TBC1D5: variants seen among roughly 807,000 people sequenced by gnomAD.
TBC1D5 encodes TBC1 domain family, member 5.
TBC1D5 carries 75 observed loss-of-function variants against 100.3 expected under a neutral mutation model. The observed-to-expected ratio is 0.75, with a 90% confidence interval of 0.62 to 0.91. The LOEUF (loss-of-function observed/expected upper bound fraction) is 0.91. Ranked by LOEUF, TBC1D5 falls within the 40% of genes least tolerant of loss-of-function variation. The pLI, the probability that TBC1D5 is intolerant of heterozygous loss-of-function variation, is 0.00. For missense variants in TBC1D5, 910 were observed against 942.4 expected, an observed-to-expected ratio of 0.97 and a Z score of 0.45; for synonymous variants, 323 against 325.6, an observed-to-expected ratio of 0.99 and a Z score of 0.09.
At chr3:17,708,100 C>G (rs1368153460) in intron 1 of TBC1D5, among the ~76,000 whole-genome samples, 4 of 152,216 alleles carry the variant, frequency 2.6e-5, no homozygotes, top group Admixed American at 1.3e-4. Context: ...TTCTTTACCT[C>G]CTTACTAGCA....
intron 2 of TBC1D5, among the ~76,000 whole-genome samples, chr3:17,540,040 G>A (rs568536350): frequency 6.6e-6 from 1 of 152,172 alleles, no homozygotes; most frequent in African/African-American, 2.4e-5. Flanking sequence ...CCATCCTAAT[G>A]GGTGTAAGGT....
At chr3:17,242,346 T>G (rs1455142643) in intron 16 of TBC1D5, among the ~76,000 whole-genome samples, 1 of 152,176 alleles carries the variant, frequency 6.6e-6, no homozygotes, top group African/African-American at 2.4e-5. Context: ...TTTTTAGATT[T>G]GATATTAAAT....
At chr3:17,594,862 G>A (rs750581937) in intron 2 of TBC1D5, among the ~76,000 whole-genome samples, 3 of 151,998 alleles carry the variant, frequency 2.0e-5, no homozygotes, top group Admixed American at 1.3e-4. Context: ...TGGTTAATAC[G>A]GAGTGTCAAC....
chr3:17,333,293 T>C (rs1188019204), intron 13 of TBC1D5: 1 of 152,228 alleles, frequency 6.6e-6, no homozygotes. Context: ...TTTATACATA[T>C]ACAGAAAAAA....
intron 1 of TBC1D5, among the ~76,000 whole-genome samples, chr3:17,683,514 A>C: frequency 6.8e-6 from 1 of 146,732 alleles, no homozygotes; most frequent in South Asian, 2.1e-4. Flanking sequence ...AAAGATGACT[A>C]AATGTTATAC....
intron 2 of TBC1D5, among the ~76,000 whole-genome samples, chr3:17,588,793 C>T (rs1247446326): frequency 6.6e-6 from 1 of 152,144 alleles, no homozygotes; most frequent in African/African-American, 2.4e-5. Flanking sequence ...AATCTGCCAA[C>T]AATAGTCAGA....
chr3:17,723,286 A>G (rs1360823499), intron 1 of TBC1D5, among the ~76,000 whole-genome samples: 1 of 152,192 alleles, frequency 6.6e-6, no homozygotes, highest in Non-Finnish European at 1.5e-5. Flanking sequence ...CATGTACTTC[A>G]TAAATATATA....
intron 15 of TBC1D5, among the ~76,000 whole-genome samples, chr3:17,280,140 A>G (rs1408788650): frequency 6.6e-6 from 1 of 152,242 alleles, no homozygotes; most frequent in Non-Finnish European, 1.5e-5. Flanking sequence ...GGAAAGACAG[A>G]CAATAGAAAA....
chr3:17,182,925 C>A (rs902991799), intron 19 of TBC1D5, among the ~76,000 whole-genome samples: 1 of 151,972 alleles, frequency 6.6e-6, no homozygotes, highest in South Asian at 2.1e-4. Flanking sequence ...GCCTTGTTCT[C>A]CATTTCCTAC....
chr3:17,671,521 A>G (rs2067937697), intron 1 of TBC1D5, among the ~76,000 whole-genome samples: 1 of 152,258 alleles, frequency 6.6e-6, no homozygotes, highest in Non-Finnish European at 1.5e-5. Flanking sequence ...AAAAAGGTGG[A>G]AAAGTTAAGA....
intron 16 of TBC1D5, among the ~76,000 whole-genome samples, chr3:17,257,742 T>C (rs1395433597): frequency 6.6e-6 from 1 of 152,252 alleles, no homozygotes; most frequent in Non-Finnish European, 1.5e-5. Context: ...ATTGTGTATA[T>C]GTATTCCATA....
At chr3:17,639,461 T>C (rs977176734) in intron 1 of TBC1D5, among the ~76,000 whole-genome samples, 1 of 150,300 alleles carries the variant, frequency 6.7e-6, no homozygotes, top group African/African-American at 2.5e-5. Context: ...GCCACACAAT[T>C]TGGTTAAAAA....
chr3:17,266,939 CA>C (rs1362703331), intron 15 of TBC1D5, among the ~76,000 whole-genome samples: 1 of 151,532 alleles, frequency 6.6e-6, no homozygotes, highest in Admixed American at 6.6e-5. Flanking sequence ...AAAAAGGAAG[CA>C]AAAACACCGT....
intron 1 of TBC1D5, among the ~76,000 whole-genome samples, chr3:17,731,296 A>T (rs1198587213): frequency 4.6e-5 from 7 of 152,104 alleles, no homozygotes; most frequent in Admixed American, 4.6e-4. Context: ...AGGTCAAGAG[A>T]TTGAGACCAT....
intron 2 of TBC1D5, among the ~76,000 whole-genome samples, chr3:17,513,910 A>C (rs557171210): frequency 3.9e-5 from 6 of 152,312 alleles, no homozygotes; most frequent in Admixed American, 3.3e-4. Flanking sequence ...GAGATAGCGC[A>C]ATTGAATATC....
intron 1 of TBC1D5, among the ~76,000 whole-genome samples, chr3:17,662,552 G>A (rs73164787): frequency 0.051 from 7,692 of 152,192 alleles, 612 homozygotes; most frequent in African/African-American, 0.17. Context: ...ATAGGGTCCC[G>A]AATGTGAAGG....
intron 13 of TBC1D5, among the ~76,000 whole-genome samples, chr3:17,329,909 T>C (rs539164806): frequency 4.6e-5 from 7 of 152,334 alleles, no homozygotes; most frequent in South Asian, 2.1e-4. Context: ...TTCTTCATCA[T>C]GGGCTACAAC....
At chr3:17,322,007 T>C (rs540243331) in intron 13 of TBC1D5, among the ~76,000 whole-genome samples, 2 of 152,348 alleles carry the variant, frequency 1.3e-5, no homozygotes, top group South Asian at 4.1e-4. Flanking sequence ...GAGGTACAAG[T>C]AGCTTACTAC....
intron 2 of TBC1D5, among the ~76,000 whole-genome samples, chr3:17,543,549 G>A (rs976880915): frequency 9.9e-5 from 15 of 152,026 alleles, no homozygotes; most frequent in Admixed American, 3.9e-4. Context: ...AAGGTGGGAG[G>A]ACTGATTGAG....
Sources: allele counts gnomAD v4.1 joint callset (sites outside exome capture counted in the v4.1 genomes callset), GRCh38; gene constraint gnomAD v4.1.1; transcripts MANE v1.5; gene names NCBI Gene and HGNC (gene_info 2026-07-23, HGNC 2026-07-21).